Variants in C5 observed in about 807,000 individuals in gnomAD.
C5 encodes complement C5.
Under a neutral mutation model 218.8 loss-of-function variants are expected in C5, and 140 were observed. The ratio of observed to expected loss-of-function variants is 0.64; its 90% CI spans 0.56 to 0.74. The LOEUF is 0.74. Ranked by LOEUF, C5 falls within the 30% of genes least tolerant of loss-of-function variation. The probability of loss-of-function intolerance (pLI) is 0.00; values close to 1 mark genes in which losing one functional copy is unlikely to be tolerated. For synonymous variants in C5, 614 were observed against 682.3 expected, an observed-to-expected ratio of 0.90 and a Z score of 1.56; for missense variants, 1,700 against 1,969.6, an observed-to-expected ratio of 0.86 and a Z score of 2.59.
At chr9:121,068,530 A>G in the C5 span, among the ~76,000 whole-genome samples, 1 of 152,350 alleles carries the variant, frequency 6.6e-6, no homozygotes, top group East Asian at 1.9e-4. Context: ...AGAAGAATCA[A>G]TATTATTAAA....
chr9:121,043,700 C>CTTTTTTTTTTTTTTTTTTTTTTT (rs34794535), intron 2 of C5, among the ~76,000 whole-genome samples: 1 of 120,662 alleles, frequency 8.3e-6, no homozygotes, highest in Non-Finnish European at 1.7e-5. Context: ...GTCCAGCTAA[C>CTTTTTTTTTTTTTTTTTTTTTTT]TTTTTTTTTT....
At chr9:120,998,232 T>A (rs1209082128) in intron 20 of C5, among the ~76,000 whole-genome samples, 1 of 152,210 alleles carries the variant, frequency 6.6e-6, no homozygotes, top group Non-Finnish European at 1.5e-5. Flanking sequence ...CATTTCAGAT[T>A]TCCTAACATA....
chr9:120,983,568 T>A (rs529818448), intron 25 of C5, among the ~76,000 whole-genome samples: 365 of 152,334 alleles, frequency 2.4e-3, no homozygotes, highest in Admixed American at 4.9e-3. Flanking sequence ...TTTAAGCATT[T>A]TTTTAAAGAG....
At chr9:120,988,256 G>A (rs182451780) in intron 25 of C5, among the ~76,000 whole-genome samples, 36 of 152,262 alleles carry the variant, frequency 2.4e-4, no homozygotes, top group African/African-American at 6.5e-4. Flanking sequence ...AGAACTTCCC[G>A]CATGGAGCTT....
In C5 at chr9:120,974,823, T is replaced by C; in HGVS notation, c.3973A>G (p.Asn1325Asp). The C allele has an allele frequency of 6.2e-7, 1 of 1,614,106 alleles. No individual in the cohort carries two copies. The highest frequency in any genetic ancestry group is 8.5e-7 in the Non-Finnish European group (1 of 1,179,906). ...VSYKHKGALH[N>D]YKMTDKNFLG... is the part of the protein sequence containing the mutation. ...AAATTCTTGTCTGTCATTTTATAAT[T>C]ATGTAAGGCACCTTTATGCTTGTAA... Residue 1325 changes from asparagine (N) to aspartate (D), a missense_variant, in exon 30 of 41, where the codon AAT becomes GAT. Coordinates refer to ENST00000223642, the MANE Select transcript of C5 (RefSeq NM_001735.3).
intron 28 of C5, among the ~76,000 whole-genome samples, chr9:120,977,564 C>T (rs898549184): frequency 6.6e-6 from 1 of 152,070 alleles, no homozygotes; most frequent in Admixed American, 6.6e-5. Flanking sequence ...CAGTGATTCT[C>T]CCACCTCAGC....
intron 8 of C5, among the ~76,000 whole-genome samples, chr9:121,026,606 T>C (rs375726076): frequency 6.6e-6 from 1 of 152,184 alleles, no homozygotes; most frequent in East Asian, 1.9e-4. Flanking sequence ...TAAACACCAG[T>C]AGCAACCACA....
intron 7 of C5, among the ~76,000 whole-genome samples, chr9:121,028,245 G>C (rs1267595320): frequency 6.6e-6 from 1 of 152,204 alleles, no homozygotes; most frequent in Non-Finnish European, 1.5e-5. Context: ...CACTGTTGGT[G>C]GGAGTGTAAA....
At chr9:120,973,851 C>T (rs543998105) in intron 30 of C5, among the ~76,000 whole-genome samples, 59 of 152,040 alleles carry the variant, frequency 3.9e-4, no homozygotes, top group African/African-American at 1.3e-3. Context: ...TGGTGGCAGG[C>T]GCCTATAATC....
At chr9:121,039,002 A>G (rs1045744935) in intron 3 of C5, among the ~76,000 whole-genome samples, 1 of 152,162 alleles carries the variant, frequency 6.6e-6, no homozygotes, top group Non-Finnish European at 1.5e-5. Flanking sequence ...AAAAGTTAAG[A>G]GCACAGGCCC....
At chr9:121,022,653 G>T (rs1035569822) in intron 10 of C5, among the ~76,000 whole-genome samples, 3 of 149,678 alleles carry the variant, frequency 2.0e-5, no homozygotes, top group African/African-American at 7.3e-5. Flanking sequence ...AAAAAATTTT[G>T]CTCTGGATTT....
At chr9:121,029,342 G>C (rs938330923) in intron 7 of C5, among the ~76,000 whole-genome samples, 10 of 152,260 alleles carry the variant, frequency 6.6e-5, no homozygotes, top group Admixed American at 5.2e-4. Context: ...TTGAGGCATG[G>C]ACTCTGGAAG....
chr9:121,061,161 C>T, the C5 span, among the ~76,000 whole-genome samples: 1 of 152,116 alleles, frequency 6.6e-6, no homozygotes, highest in African/African-American at 2.4e-5. Flanking sequence ...GCACTCCAGC[C>T]TGGGTGACAC....
intron 3 of C5, among the ~76,000 whole-genome samples, chr9:121,042,289 C>A (rs1017934751): frequency 1.3e-5 from 2 of 152,214 alleles, no homozygotes; most frequent in African/African-American, 4.8e-5. Context: ...TAGGTCCAGT[C>A]ATTCCTATTC....
rs756167659 is a variant in C5 at position 120,961,491 on chromosome 9, A to G, written c.4579T>C (p.Cys1527Arg). The change falls in exon 37 of 41, where the codon TGT becomes CGT. Residue 1527 changes from cysteine (C) to arginine (R), a missense_variant. By Grantham distance (180) the Cys-to-Arg change is radical. Coordinates refer to ENST00000223642, the MANE Select transcript of C5 (RefSeq NM_001735.3). ...GTTAAATAAAGTTTACCTTCTACACACTTGCACGCGGCTCCTTCACAGACT... is the reference window on the plus strand; with the variant it reads ...GTTAAATAAAGTTTACCTTCTACACGCTTGCACGCGGCTCCTTCACAGACT... Reference protein sequence around the residue: ...QKVCEGAACKCVEADCGQMQE... With the variant: ...QKVCEGAACKRVEADCGQMQE... 3 of 1,607,586 alleles carry G rather than the reference A, an allele frequency of 1.9e-6. No individual in the cohort carries two copies. Among genetic ancestry groups the G allele is most frequent in the Non-Finnish European group, 1.7e-6 (2 of 1,174,050 alleles).
chr9:120,952,706 G>C lies in C5; in HGVS notation c.*33C>G. The C allele has an allele frequency of 6.2e-7, 1 of 1,609,030 alleles. No homozygotes were observed. ...GAACTTCAACAACAGGAGTCCATAA[G>C]TGCAAACTGTATGCAGCTGAACTTC... On this transcript the variant is annotated 3_prime_UTR_variant, in exon 41 of 41. Coordinates refer to ENST00000223642, the MANE Select transcript of C5 (RefSeq NM_001735.3).
chr9:121,058,655 C>T, the C5 span, among the ~76,000 whole-genome samples: 1 of 151,984 alleles, frequency 6.6e-6, no homozygotes, highest in Non-Finnish European at 1.5e-5. Context: ...GCCAGGCTGG[C>T]CTCCAACTCT....
intron 8 of C5, among the ~76,000 whole-genome samples, chr9:121,026,093 G>A (rs1350068110): frequency 6.6e-6 from 1 of 152,126 alleles, no homozygotes; most frequent in Non-Finnish European, 1.5e-5. Context: ...CTTGAGGGCA[G>A]GCATTTTTGT....
At chr9:121,029,624 AC>A (rs1213929402) in intron 7 of C5, among the ~76,000 whole-genome samples, 1 of 151,972 alleles carries the variant, frequency 6.6e-6, no homozygotes, top group East Asian at 1.9e-4. Context: ...CCAATTCTCT[AC>A]CTCCCCATGT....
Sources: allele counts gnomAD v4.1 joint callset (sites outside exome capture counted in the v4.1 genomes callset), GRCh38; gene constraint gnomAD v4.1.1; transcripts MANE v1.5; gene names NCBI Gene and HGNC (gene_info 2026-07-23, HGNC 2026-07-21).